XRN1: variants seen among roughly 807,000 people sequenced by gnomAD.
XRN1 encodes the protein strand-exchange protein 1 homolog.
A neutral mutation model predicts 222.3 loss-of-function variants in XRN1; 67 were observed. The ratio of observed to expected loss-of-function variants is 0.30; its 90% CI spans 0.25 to 0.37. The LOEUF is 0.37. Among genes scored for constraint, XRN1 ranks in the 10% least tolerant of loss-of-function variants. The pLI, the probability that XRN1 is intolerant of heterozygous loss-of-function variation, is 1.00. For missense variants in XRN1, 1,707 were observed against 2,000.2 expected, an observed-to-expected ratio of 0.85 and a Z score of 2.80; for synonymous variants, 643 against 652.4, an observed-to-expected ratio of 0.99 and a Z score of 0.22.
At chr3:142,361,930 G>C (rs2107848409) in intron 29 of XRN1, among the ~76,000 whole-genome samples, 1 of 138,106 alleles carries the variant, frequency 7.2e-6, no homozygotes, top group Non-Finnish European at 1.6e-5. Flanking sequence ...GTCTAAAGTA[G>C]CAATTTTCTC....
At chr3:142,402,535 C>G (rs112723933) in intron 18 of XRN1, among the ~76,000 whole-genome samples, 1 of 152,132 alleles carries the variant, frequency 6.6e-6, no homozygotes, top group African/African-American at 2.4e-5. Flanking sequence ...ACACAAAATA[C>G]GTCTACTTTC....
At chr3:142,417,297 T>TTTAGAG in intron 12 of XRN1, 68 bp from the exon 13 acceptor site, 6 of 1,265,316 alleles carry the variant, frequency 4.7e-6, no homozygotes, top group Non-Finnish European at 6.8e-6. Flanking sequence ...GAGCACGGTA[T>TTTAGAG]CTGCTGATAC....
chr3:142,441,448 C>T (rs1417510855), intron 1 of XRN1, among the ~76,000 whole-genome samples: 1 of 152,168 alleles, frequency 6.6e-6, no homozygotes, highest in East Asian at 1.9e-4. Context: ...CACAAAAAAA[C>T]AGGAATAGCT....
chr3:142,340,652 A>G (rs955391509), intron 33 of XRN1, among the ~76,000 whole-genome samples: 2 of 152,218 alleles, frequency 1.3e-5, no homozygotes, highest in Non-Finnish European at 2.9e-5. Flanking sequence ...GGTCAAAGAT[A>G]AAGAAAAGAT....
At chr3:142,421,716 A>G (rs2069042693) in intron 8 of XRN1, among the ~76,000 whole-genome samples, 173 bp from the exon 9 acceptor site, 1 of 152,254 alleles carries the variant, frequency 6.6e-6, no homozygotes, top group Non-Finnish European at 1.5e-5. Flanking sequence ...TTATGCTACT[A>G]TAATATGCAA....
chr3:142,344,272 GAAT>G (rs1386780597), intron 33 of XRN1, among the ~76,000 whole-genome samples: 1 of 152,102 alleles, frequency 6.6e-6, no homozygotes, highest in African/African-American at 2.4e-5. Flanking sequence ...TTGAGGTGAT[GAAT>G]ACCCTATTTA....
chr3:142,319,907 TACACACACAC>T (rs113013809), intron 37 of XRN1, among the ~76,000 whole-genome samples: 6 of 148,814 alleles, frequency 4.0e-5, no homozygotes, highest in African/African-American at 9.9e-5. Flanking sequence ...GGTGTGTGTA[TACACACACAC>T]ACACACACAC....
chr3:142,314,447 C>A (rs1177578642), intron 39 of XRN1, among the ~76,000 whole-genome samples: 1 of 151,950 alleles, frequency 6.6e-6, no homozygotes, highest in Non-Finnish European at 1.5e-5. Flanking sequence ...CTTTTAGGTA[C>A]CCTACACATA....
chr3:142,321,726 A>AAAGAGTTTTGATACTATC (rs1177481117), intron 37 of XRN1, among the ~76,000 whole-genome samples: 1 of 152,164 alleles, frequency 6.6e-6, no homozygotes, highest in South Asian at 2.1e-4. Context: ...TTGATACTAT[A>AAAGAGTTTTGATACTATC]AATAGTTTTG....
At chr3:142,436,481 T>G (rs1383210130) in intron 1 of XRN1, among the ~76,000 whole-genome samples, 1 of 152,228 alleles carries the variant, frequency 6.6e-6, no homozygotes, top group Non-Finnish European at 1.5e-5. Flanking sequence ...GAATGTAAAT[T>G]GGCATAACTA....
At chr3:142,324,218 G>A (rs1414011946) in intron 37 of XRN1, among the ~76,000 whole-genome samples, 2 of 150,472 alleles carry the variant, frequency 1.3e-5, no homozygotes, top group African/African-American at 2.5e-5. Flanking sequence ...TTAACATTAG[G>A]TATCTCTCCT....
chr3:142,428,046 C>T (rs1406221564), intron 2 of XRN1, among the ~76,000 whole-genome samples: 1 of 152,072 alleles, frequency 6.6e-6, no homozygotes, highest in African/African-American at 2.4e-5. Flanking sequence ...TTTGGCTGAC[C>T]AAACGATTAT....
At position 142,311,322 on chromosome 3, in the gene XRN1, A is replaced by T. The variant is rs1487694669; in HGVS notation, c.*189T>A. On this transcript the variant is annotated 3_prime_UTR_variant, in exon 41 of 41. Transcript: ENST00000392981. Reference sequence around the variant, plus strand: ...GACATACAACAAACTGCACATACTTAAAGTGCACAATTTGATACACAGTCT... The same window carrying T: ...GACATACAACAAACTGCACATACTTTAAGTGCACAATTTGATACACAGTCT... The T allele has an allele frequency of 5.4e-5, 26 of 479,458 alleles. No individual in the cohort carries two copies. Among genetic ancestry groups the T allele is most frequent in the Non-Finnish European group, 8.5e-5 (24 of 281,532 alleles). The allele number at this position is 479,458 out of a possible 1,614,324, so 29.7% of individuals were successfully genotyped here. A position where few individuals can be genotyped will look rare whatever the true frequency, so the allele number is the denominator to read the frequency against.
intron 27 of XRN1, among the ~76,000 whole-genome samples, chr3:142,370,050 GAA>G (rs1163944480): frequency 1.4e-4 from 10 of 69,968 alleles, no homozygotes; most frequent in African/African-American, 1.9e-4. Flanking sequence ...CTGTCTCAAA[GAA>G]AAAAAAAAAA....
intron 27 of XRN1, among the ~76,000 whole-genome samples, chr3:142,369,147 C>G (rs1273198462): frequency 6.6e-6 from 1 of 152,014 alleles, no homozygotes; most frequent in African/African-American, 2.4e-5. Flanking sequence ...GTTGGCAAAG[C>G]AACAGCATTT....
intron 19 of XRN1, among the ~76,000 whole-genome samples, chr3:142,400,209 C>A (rs1239345669): frequency 6.6e-6 from 1 of 152,014 alleles, no homozygotes; most frequent in African/African-American, 2.4e-5. Flanking sequence ...TATAGAACTT[C>A]CAAGAAATTA....
intron 23 of XRN1, among the ~76,000 whole-genome samples, chr3:142,377,756 A>C (rs1416724529): frequency 6.6e-6 from 1 of 152,226 alleles, no homozygotes; most frequent in African/African-American, 2.4e-5. Context: ...AAACGTATGT[A>C]AAGAGAAAGA....
At chr3:142,353,065 CT>C (rs150294395) in intron 32 of XRN1, among the ~76,000 whole-genome samples, 1,770 of 152,292 alleles carry the variant, frequency 0.012, 38 homozygotes, top group African/African-American at 0.041. Flanking sequence ...CACTTTTTCT[CT>C]CTTCTTAATC....
At chr3:142,370,199 GC>G (rs2066947405) in intron 27 of XRN1, among the ~76,000 whole-genome samples, 1 of 151,936 alleles carries the variant, frequency 6.6e-6, no homozygotes, top group South Asian at 2.1e-4. Context: ...AAATACTATG[GC>G]TTTTGTATAT....
Sources: allele counts gnomAD v4.1 joint callset (sites outside exome capture counted in the v4.1 genomes callset), GRCh38; gene constraint gnomAD v4.1.1; transcripts MANE v1.5; gene names NCBI Gene and HGNC (gene_info 2026-07-23, HGNC 2026-07-21).